The following TCEA1 variants were observed in gnomAD, a reference collection of about 807,000 sequenced individuals.
TCEA1 encodes transcription elongation factor A1, also known as transcription elongation factor A protein 1.
In TCEA1, 21 loss-of-function variants were observed where a neutral mutation model predicts 43.8. That is an observed-to-expected ratio of 0.48 (90% confidence interval 0.34 to 0.69). The LOEUF is 0.69. Ranked by LOEUF, TCEA1 falls within the 30% of genes least tolerant of loss-of-function variation. TCEA1 has a pLI of 0.01. For missense variants in TCEA1, 250 were observed against 365.1 expected (o/e 0.68, Z 2.57); for synonymous variants, 104 against 117.5 (o/e 0.88, Z 0.75).
At chr8:53,999,439 C>T (rs1421777529) in intron 3 of TCEA1, among the ~76,000 whole-genome samples, 1 of 151,816 alleles carries the variant, frequency 6.6e-6, no homozygotes, top group African/African-American at 2.4e-5. Flanking sequence ...TAAGGAAATA[C>T]ACGCAAGTAT....
intron 1 of TCEA1, among the ~76,000 whole-genome samples, chr8:54,013,406 T>C (rs2129313471): frequency 6.6e-6 from 1 of 152,162 alleles, no homozygotes; most frequent in South Asian, 2.1e-4. Context: ...GGCTTATGCA[T>C]GTGGCTCACA....
At chr8:53,997,713 A>G (rs1804107014) in intron 3 of TCEA1, among the ~76,000 whole-genome samples, 1 of 152,238 alleles carries the variant, frequency 6.6e-6, no homozygotes, top group Admixed American at 6.5e-5. Context: ...AGCCTTAGCA[A>G]CATAGTGAGA....
chr8:53,968,162 T>G (rs896658248), intron 9 of TCEA1, 50 bp from the exon 10 acceptor site: 4 of 1,437,840 alleles, frequency 2.8e-6, no homozygotes, highest in Non-Finnish European at 3.8e-6. Flanking sequence ...ACCAATAAGG[T>G]ACATTCCCCA....
chr8:53,983,064 A>C (rs1000139827), intron 7 of TCEA1, among the ~76,000 whole-genome samples: 1 of 152,164 alleles, frequency 6.6e-6, no homozygotes, highest in Non-Finnish European at 1.5e-5. Context: ...CCACTACCCT[A>C]ATCAGTCAGC....
chr8:54,008,455 G>A (rs143055600), intron 2 of TCEA1, among the ~76,000 whole-genome samples: 123 of 152,060 alleles, frequency 8.1e-4, no homozygotes, highest in Non-Finnish European at 1.4e-3. Flanking sequence ...ACCAGCCTGG[G>A]CAACAAAGGG....
chr8:54,011,192 C>T (rs7463261), intron 1 of TCEA1, among the ~76,000 whole-genome samples: 30,749 of 152,132 alleles, frequency 0.2, 4,414 homozygotes, highest in East Asian at 0.74. Context: ...TAAAAACATA[C>T]ATATAAGTAA....
intron 9 of TCEA1, among the ~76,000 whole-genome samples, chr8:53,969,309 T>A (rs1426708974): frequency 6.6e-6 from 1 of 151,932 alleles, no homozygotes; most frequent in Admixed American, 6.6e-5. Flanking sequence ...AATGAATAAA[T>A]AAAACAAAAT....
chr8:53,986,051 A>C (rs1306915682), intron 6 of TCEA1, among the ~76,000 whole-genome samples: 1 of 152,256 alleles, frequency 6.6e-6, no homozygotes, highest in Middle Eastern at 3.2e-3. Context: ...GTGAAGAATA[A>C]GACTTTGAAT....
chr8:53,988,906 T>C (rs1234117268), intron 4 of TCEA1, among the ~76,000 whole-genome samples: 1 of 151,902 alleles, frequency 6.6e-6, no homozygotes, highest in African/African-American at 2.4e-5. Context: ...CCGTCTCTAT[T>C]AAAAATACAA....
chr8:53,978,624 C>T (rs1179663223), intron 8 of TCEA1: 1 of 154,790 alleles, frequency 6.5e-6, no homozygotes, highest in African/African-American at 2.4e-5. Flanking sequence ...CAGCCTAACA[C>T]TTAGTCACAA....
chr8:53,998,351 G>A (rs1000930507), intron 3 of TCEA1, among the ~76,000 whole-genome samples: 4 of 151,928 alleles, frequency 2.6e-5, no homozygotes, highest in Non-Finnish European at 4.4e-5. Flanking sequence ...CTTTTTTTTT[G>A]TGGTAATTTT....
chr8:53,996,432 T>C (rs920585796), intron 3 of TCEA1, among the ~76,000 whole-genome samples: 4 of 152,334 alleles, frequency 2.6e-5, no homozygotes, highest in East Asian at 1.9e-4. Flanking sequence ...ACCTACCAAA[T>C]TGGATTGTTG....
At chr8:54,009,959 A>G (rs1804598791) in intron 2 of TCEA1, 4 of 153,616 alleles carry the variant, frequency 2.6e-5, no homozygotes, top group African/African-American at 7.2e-5. Context: ...TATTATCAAT[A>G]AAGAATAAGA....
chr8:54,013,613 G>A (rs1180336856), intron 1 of TCEA1, among the ~76,000 whole-genome samples: 5 of 149,476 alleles, frequency 3.3e-5, no homozygotes, highest in Non-Finnish European at 5.9e-5. Flanking sequence ...CCCAGGAGGC[G>A]GAGGTTGCAG....
At chr8:53,984,565 C>CT (rs528133863) in intron 6 of TCEA1, 48 bp from the exon 7 acceptor site, 145 of 1,462,300 alleles carry the variant, frequency 9.9e-5, no homozygotes, top group Non-Finnish European at 1.3e-4. Context: ...AGTAAGATCA[C>CT]TTTTTTTTCC....
intron 3 of TCEA1, chr8:53,999,666 A>C (rs1053498167): frequency 1.8e-5 from 6 of 342,138 alleles, no homozygotes; most frequent in East Asian, 4.3e-5. Flanking sequence ...CCATTTCAAA[A>C]GGTATCCACA....
At chr8:54,010,713 A>G (rs1473825340) in intron 1 of TCEA1, among the ~76,000 whole-genome samples, 1 of 152,230 alleles carries the variant, frequency 6.6e-6, no homozygotes, top group Non-Finnish European at 1.5e-5. Flanking sequence ...TATTTCATTT[A>G]GTCTAATGTT....
chr8:54,021,012 A>AC (rs1353314675), intron 1 of TCEA1, among the ~76,000 whole-genome samples: 8 of 151,746 alleles, frequency 5.3e-5, no homozygotes, highest in Non-Finnish European at 1.2e-4. Flanking sequence ...AGATGGTGAA[A>AC]CCCCGTTTCT....
intron 2 of TCEA1, chr8:54,009,629 T>G (rs956190721): frequency 6.6e-6 from 1 of 152,064 alleles, no homozygotes; most frequent in Non-Finnish European, 1.5e-5. Context: ...CTCACAAAGA[T>G]AGAAAGCAGA....
Sources: gnomAD v4.1 joint callset for allele counts (sites outside exome capture counted in the v4.1 genomes callset) on GRCh38, gnomAD v4.1.1 for gene constraint, MANE v1.5 for transcripts, NCBI Gene and HGNC (gene_info 2026-07-23, HGNC 2026-07-21) for gene names.